Variants in PAK3 observed in about 807,000 individuals in gnomAD.
The protein encoded by PAK3 is p21 (RAC1) activated kinase 3, also known as serine/threonine-protein kinase PAK 3.
A neutral mutation model predicts 41.0 loss-of-function variants in PAK3; 4 were observed. The observed-to-expected ratio is 0.10, with a 90% CI of 0.05 to 0.22. The LOEUF is 0.22. PAK3 is among the 10% of genes least tolerant of loss of function. The pLI, the probability that PAK3 is intolerant of heterozygous loss-of-function variation, is 1.00. For synonymous variants in PAK3, 146 were observed against 139.6 expected (o/e 1.05, Z -0.32); for missense variants, 205 against 409.9 (o/e 0.50, Z 4.32).
intron 1 of PAK3, among the ~76,000 whole-genome samples, chrX:110,966,447 G>A (rs1446889455): frequency 9.0e-6 from 1 of 110,815 alleles, no homozygotes; most frequent in African/African-American, 3.3e-5. Context: ...GAGGGAGGGA[G>A]GGTAGGAGAG....
At chrX:111,139,546 G>A (rs2093842547) in intron 5 of PAK3, among the ~76,000 whole-genome samples, 1 of 112,056 alleles carries the variant, frequency 8.9e-6, no homozygotes, top group African/African-American at 3.2e-5. Context: ...GTGGTTAGTG[G>A]TATCATTTCA....
intron 1 of PAK3, among the ~76,000 whole-genome samples, chrX:111,079,210 C>T (rs1037492052): frequency 8.9e-6 from 1 of 111,825 alleles, no homozygotes; most frequent in Non-Finnish European, 1.9e-5. Context: ...CAAAACAGCC[C>T]TCTATTGGGA....
At chrX:111,022,578 T>C (rs973802265) in intron 1 of PAK3, among the ~76,000 whole-genome samples, 1 of 110,948 alleles carries the variant, frequency 9.0e-6, no homozygotes, top group African/African-American at 3.3e-5. Context: ...AGAACCTCCT[T>C]AAAGCATAAA....
intron 1 of PAK3, among the ~76,000 whole-genome samples, chrX:110,948,335 C>T (rs2090665977): frequency 1.8e-5 from 2 of 111,651 alleles, no homozygotes; most frequent in Admixed American, 9.5e-5. Context: ...GACTAATTGT[C>T]TTTCAGAAGC....
chrX:111,009,194 A>G (rs2091976098), intron 1 of PAK3, among the ~76,000 whole-genome samples: 1 of 110,571 alleles, frequency 9.0e-6, no homozygotes, highest in South Asian at 3.9e-4. Context: ...GCCTTCTGTA[A>G]CCCTTCTTGT....
chrX:111,143,148 G>C (rs921968678), intron 6 of PAK3, among the ~76,000 whole-genome samples: 5 of 110,537 alleles, frequency 4.5e-5, no homozygotes, highest in African/African-American at 1.6e-4. Context: ...AAAAATCTTT[G>C]ATAGAGCCAT....
chrX:111,017,458 T>C (rs997491272), intron 1 of PAK3, among the ~76,000 whole-genome samples: 1 of 111,395 alleles, frequency 9.0e-6, no homozygotes, highest in African/African-American at 3.3e-5. Flanking sequence ...GGGAGTACAA[T>C]GAAGAATGGC....
At chrX:111,104,316 A>G (rs7062370) in intron 4 of PAK3, among the ~76,000 whole-genome samples, 1 of 107,412 alleles carries the variant, frequency 9.3e-6, no homozygotes, top group South Asian at 3.9e-4. Context: ...AACAACCAAC[A>G]AAATTAAAAA....
intron 1 of PAK3, among the ~76,000 whole-genome samples, chrX:110,984,660 A>T (rs983328005): frequency 9.8e-5 from 11 of 111,944 alleles, no homozygotes; most frequent in African/African-American, 3.6e-4. Context: ...AAATTTGTTT[A>T]GGTTGTACAA....
chrX:111,088,652 T>C (rs1385915966), intron 1 of PAK3, among the ~76,000 whole-genome samples: 2 of 112,068 alleles, frequency 1.8e-5, no homozygotes, highest in Non-Finnish European at 3.8e-5. Flanking sequence ...AGCCAAAGAC[T>C]GTCAGAGACA....
At chrX:111,156,847 GTC>G (rs962356296) in intron 8 of PAK3, among the ~76,000 whole-genome samples, 1 of 111,991 alleles carries the variant, frequency 8.9e-6, no homozygotes, top group Non-Finnish European at 1.9e-5. Flanking sequence ...TACTGTTCAA[GTC>G]TCTACTCTTT....
chrX:111,029,289 G>A (rs73537188), intron 1 of PAK3, among the ~76,000 whole-genome samples: 2,152 of 111,778 alleles, frequency 0.019, 54 homozygotes, highest in African/African-American at 0.067. Context: ...CAATAGAACA[G>A]ACGAAGATGC....
intron 5 of PAK3, among the ~76,000 whole-genome samples, chrX:111,136,770 T>G (rs1569389410): frequency 8.9e-6 from 1 of 112,145 alleles, no homozygotes; most frequent in East Asian, 2.8e-4. Flanking sequence ...GGGGCAACTA[T>G]GGTTCTTCAC....
intron 11 of PAK3, among the ~76,000 whole-genome samples, chrX:111,182,234 G>A (rs763168177): frequency 9.0e-6 from 1 of 110,819 alleles, no homozygotes; most frequent in East Asian, 2.9e-4. Flanking sequence ...GTGAGTAGCC[G>A]AGAGTTATCT....
At chrX:111,078,626 A>C (rs910652853) in intron 1 of PAK3, among the ~76,000 whole-genome samples, 1 of 110,929 alleles carries the variant, frequency 9.0e-6, no homozygotes, top group African/African-American at 3.3e-5. Flanking sequence ...TATTGAAATT[A>C]GGCCAATTAA....
In PAK3 at chrX:111,121,723, G is replaced by C. The variant is rs147335499; in HGVS notation, c.-27-1354G>C. ...AGGTAATACTTGATAAGTTTACAGA[G>C]ATATAGTTTTAAAGGGATTTGATTT... On this transcript the variant is annotated intron_variant, in intron 4 of 17. Coordinates refer to ENST00000372007, the MANE Select transcript of PAK3 (RefSeq NM_002578.5). 6.6e-3 allele frequency among the ~76,000 whole-genome samples: 742 copies of C among 111,886 alleles called. 6 individuals are homozygous for C. The highest frequency in any genetic ancestry group is 0.022 in the African/African-American group (689 of 30,783).
At chrX:111,177,702 CA>C (rs1318679866) in intron 11 of PAK3, among the ~76,000 whole-genome samples, 1 of 111,533 alleles carries the variant, frequency 9.0e-6, no homozygotes, top group Non-Finnish European at 1.9e-5. Flanking sequence ...AGTGAGACAA[CA>C]AAGTCAAATA....
intron 1 of PAK3, among the ~76,000 whole-genome samples, chrX:110,996,207 T>A (rs370755249): frequency 7.3e-4 from 82 of 112,545 alleles, no homozygotes; most frequent in African/African-American, 2.4e-3. Context: ...CTTTGTTTTA[T>A]CTGTCAACTT....
intron 8 of PAK3, among the ~76,000 whole-genome samples, chrX:111,158,404 A>T (rs1169489815): frequency 8.9e-6 from 1 of 112,116 alleles, no homozygotes; most frequent in Non-Finnish European, 1.9e-5. Context: ...CTGTCTTGAT[A>T]TTGACTAACA....
Sources: gnomAD v4.1 joint callset for allele counts (sites outside exome capture counted in the v4.1 genomes callset) on GRCh38, gnomAD v4.1.1 for gene constraint, MANE v1.5 for transcripts, NCBI Gene and HGNC (gene_info 2026-07-23, HGNC 2026-07-21) for gene names.